CYSLTR2: variants seen among roughly 807,000 people sequenced by gnomAD.
The protein encoded by CYSLTR2 is G-protein coupled receptor GPCR21.
For missense variants in CYSLTR2, 398 were observed against 411.9 expected (o/e 0.97, Z 0.29); for synonymous variants, 179 against 160.8 (o/e 1.11, Z -0.86).
intron 1 of CYSLTR2, among the ~76,000 whole-genome samples, chr13:48,668,398 A>G (rs1953324585): frequency 6.6e-6 from 1 of 152,056 alleles, no homozygotes; most frequent in Admixed American, 6.6e-5. Context: ...GATCAGAGAG[A>G]GTGGCGTGAA....
intron 1 of CYSLTR2, among the ~76,000 whole-genome samples, chr13:48,663,571 C>T (rs1355041038): frequency 6.6e-6 from 1 of 151,948 alleles, no homozygotes; most frequent in East Asian, 1.9e-4. Context: ...TACATTTCTT[C>T]CTAAGGTTGT....
At chr13:48,692,491 T>C in intron 2 of CYSLTR2, among the ~76,000 whole-genome samples, 1 of 151,806 alleles carries the variant, frequency 6.6e-6, no homozygotes, top group South Asian at 2.1e-4. Context: ...AATATACAAA[T>C]AGAAAATACA....
At chr13:48,659,720 C>T (rs1425813541) in intron 1 of CYSLTR2, among the ~76,000 whole-genome samples, 1 of 152,164 alleles carries the variant, frequency 6.6e-6, no homozygotes, top group Non-Finnish European at 1.5e-5. Flanking sequence ...ACTTGCTGTT[C>T]TTCTGTCTTG....
At chr13:48,703,001 ATGTCT>A (rs1386466269) in intron 4 of CYSLTR2, among the ~76,000 whole-genome samples, 2 of 151,980 alleles carry the variant, frequency 1.3e-5, no homozygotes, top group Non-Finnish European at 2.9e-5. Context: ...AGTCCTGTAC[ATGTCT>A]TGTGAGATTT....
chr13:48,704,729 G>A (rs547026428), intron 4 of CYSLTR2, among the ~76,000 whole-genome samples: 1 of 152,050 alleles, frequency 6.6e-6, no homozygotes, highest in East Asian at 1.9e-4. Flanking sequence ...GTGTTGTTTA[G>A]TTTTCAAGTG....
At chr13:48,676,745 C>G (rs546723765) in intron 1 of CYSLTR2, among the ~76,000 whole-genome samples, 6 of 152,274 alleles carry the variant, frequency 3.9e-5, no homozygotes, top group Admixed American at 3.3e-4. Context: ...GGAACTATAG[C>G]TCAGGTTAGA....
intron 1 of CYSLTR2, among the ~76,000 whole-genome samples, chr13:48,657,348 T>C (rs1278698979): frequency 6.6e-6 from 1 of 152,120 alleles, no homozygotes; most frequent in Non-Finnish European, 1.5e-5. Flanking sequence ...AGTCAAGAAA[T>C]TCCAAAGTCG....
intron 4 of CYSLTR2, among the ~76,000 whole-genome samples, chr13:48,704,372 A>G (rs1025441605): frequency 2.0e-5 from 3 of 152,148 alleles, no homozygotes; most frequent in Non-Finnish European, 4.4e-5. Flanking sequence ...AAAAGAAAAA[A>G]TAGCTGGGCA....
intron 1 of CYSLTR2, among the ~76,000 whole-genome samples, chr13:48,658,801 G>A (rs995807833): frequency 1.4e-4 from 21 of 152,120 alleles, no homozygotes; most frequent in African/African-American, 5.1e-4. Flanking sequence ...CTGAGGGGAT[G>A]GTGGGGAGAG....
rs1954576394 is a variant in CYSLTR2 at position 48,709,085 on chromosome 13, G to T, written c.*1227G>T. On this transcript the variant is annotated 3_prime_UTR_variant, in exon 5 of 5. Transcript: ENST00000682523. Reference sequence around the variant, plus strand: ...AATTGAAGCTTAGAGAAATTAAGAAGCTTGTTTAAGTTTACACAGCTAGTA... The same window carrying T: ...AATTGAAGCTTAGAGAAATTAAGAATCTTGTTTAAGTTTACACAGCTAGTA... 6.0e-6 allele frequency: 1 copy of T among 167,068 alleles called. No homozygotes were observed. Among genetic ancestry groups the T allele is most frequent in the African/African-American group, 2.4e-5 (1 of 41,450 alleles). The allele number at this position is 167,068 out of a possible 1,614,324, so 10.3% of individuals were successfully genotyped here. A position where few individuals can be genotyped will look rare whatever the true frequency, so the allele number is the denominator to read the frequency against.
At chr13:48,672,234 CT>C (rs1477964966) in intron 1 of CYSLTR2, among the ~76,000 whole-genome samples, 1 of 151,962 alleles carries the variant, frequency 6.6e-6, no homozygotes, top group Non-Finnish European at 1.5e-5. Flanking sequence ...AAAAACGCAG[CT>C]TTTGAATTCA....
chr13:48,668,778 C>G (rs1330225085), intron 1 of CYSLTR2, among the ~76,000 whole-genome samples: 1 of 152,044 alleles, frequency 6.6e-6, no homozygotes, highest in African/African-American at 2.4e-5. Flanking sequence ...CCCCGACAGG[C>G]TCTGATGTGT....
intron 1 of CYSLTR2, among the ~76,000 whole-genome samples, chr13:48,668,604 T>C (rs1953331319): frequency 6.6e-6 from 1 of 152,158 alleles, no homozygotes; most frequent in African/African-American, 2.4e-5. Flanking sequence ...ATTTTATTTT[T>C]ATTTACTTAT....
At chr13:48,699,337 G>A (rs1172863633) in intron 4 of CYSLTR2, among the ~76,000 whole-genome samples, 1 of 152,196 alleles carries the variant, frequency 6.6e-6, no homozygotes, top group Non-Finnish European at 1.5e-5. Context: ...AGACCACAGT[G>A]CAATCAAACT....
intron 1 of CYSLTR2, among the ~76,000 whole-genome samples, chr13:48,666,757 A>T (rs1953273005): frequency 1.3e-5 from 2 of 151,860 alleles, no homozygotes; most frequent in African/African-American, 4.8e-5. Flanking sequence ...CTTTTTTATG[A>T]TAACTATCTT....
At chr13:48,696,723 G>A (rs956261008) in intron 4 of CYSLTR2, 97 bp downstream of exon 4, 1 of 152,264 alleles carries the variant, frequency 6.6e-6, no homozygotes, top group Non-Finnish European at 1.5e-5. Flanking sequence ...AGGGGTCAGG[G>A]AATTCCCTTT....
At chr13:48,693,387 T>C (rs1033847787) in intron 2 of CYSLTR2, 51 bp from the exon 3 acceptor site, 18 of 152,122 alleles carry the variant, frequency 1.2e-4, no homozygotes, top group African/African-American at 3.9e-4. Context: ...ATACTGTTTG[T>C]GCCCACAGAA....
At chr13:48,673,841 T>G (rs532485218) in intron 1 of CYSLTR2, among the ~76,000 whole-genome samples, 1 of 152,334 alleles carries the variant, frequency 6.6e-6, no homozygotes, top group African/African-American at 2.4e-5. Context: ...CCTCACCATT[T>G]GCTTGTCTGT....
At chr13:48,662,835 C>A (rs769251629) in intron 1 of CYSLTR2, among the ~76,000 whole-genome samples, 19 of 152,114 alleles carry the variant, frequency 1.2e-4, no homozygotes, top group Admixed American at 5.2e-4. Context: ...CTTTGCTGTG[C>A]AGAAACTTTC....
Sources: allele counts gnomAD v4.1 joint callset (sites outside exome capture counted in the v4.1 genomes callset), GRCh38; gene constraint gnomAD v4.1.1; transcripts MANE v1.5; gene names NCBI Gene and HGNC (gene_info 2026-07-23, HGNC 2026-07-21).